Variants in NAA11 observed in about 807,000 individuals in gnomAD.
NAA11 encodes the protein N-alpha-acetyltransferase 11.
In NAA11, 15 loss-of-function variants were observed where a neutral mutation model predicts 16.1. The ratio of observed to expected loss-of-function variants is 0.93; its 90% CI spans 0.62 to 1.44. NAA11 has a LOEUF of 1.44. Among genes scored for constraint, NAA11 ranks in the 40% most tolerant of loss-of-function variants. NAA11 has a pLI of 0.00. For synonymous variants in NAA11, 122 were observed against 112.4 expected, an observed-to-expected ratio of 1.09 and a Z score of -0.54; for missense variants, 298 against 291.3, an observed-to-expected ratio of 1.02 and a Z score of -0.17.
chr4:79,282,747 C>G (rs536583719), intron 2 of NAA11, among the ~76,000 whole-genome samples: 4 of 151,994 alleles, frequency 2.6e-5, no homozygotes, highest in Non-Finnish European at 5.9e-5. Context: ...ATCTAAAAGC[C>G]TATTTCAGGT....
At chr4:79,160,354 T>G in the NAA11 span, among the ~76,000 whole-genome samples, 2 of 152,338 alleles carry the variant, frequency 1.3e-5, no homozygotes, top group African/African-American at 4.8e-5. Flanking sequence ...TACACATTTT[T>G]TATGGACTAT....
At chr4:79,206,300 G>C in the NAA11 span, among the ~76,000 whole-genome samples, 1 of 151,918 alleles carries the variant, frequency 6.6e-6, no homozygotes, top group East Asian at 1.9e-4. Flanking sequence ...GTGTTTTGTA[G>C]TTCACCTTGT....
At chr4:79,210,934 G>A in the NAA11 span, among the ~76,000 whole-genome samples, 87 of 152,288 alleles carry the variant, frequency 5.7e-4, no homozygotes, top group Admixed American at 1.8e-3. Context: ...AAACGACAAA[G>A]TGGATGCCTG....
intron 2 of NAA11, among the ~76,000 whole-genome samples, chr4:79,269,112 T>A (rs2109979082): frequency 7.4e-6 from 1 of 134,832 alleles, no homozygotes; most frequent in East Asian, 2.1e-4. Flanking sequence ...TGTTGGACAT[T>A]TGGGTTGGTT....
chr4:79,233,902 G>T (rs1293928557), intron 2 of NAA11, among the ~76,000 whole-genome samples: 1 of 151,920 alleles, frequency 6.6e-6, no homozygotes, highest in Non-Finnish European at 1.5e-5. Context: ...TAGATAAATT[G>T]GTAGAATATA....
At chr4:79,156,078 GTTTTTA>G in the NAA11 span, among the ~76,000 whole-genome samples, 1 of 152,122 alleles carries the variant, frequency 6.6e-6, no homozygotes. Context: ...TGTACCTGGA[GTTTTTA>G]ATACCCATAT....
intron 2 of NAA11, among the ~76,000 whole-genome samples, chr4:79,279,417 T>C (rs1167298012): frequency 6.6e-6 from 1 of 152,114 alleles, no homozygotes; most frequent in Non-Finnish European, 1.5e-5. Context: ...TTTTAAGTGC[T>C]CTGCTAAACA....
At chr4:79,219,175 C>T in the NAA11 span, among the ~76,000 whole-genome samples, 1 of 152,126 alleles carries the variant, frequency 6.6e-6, no homozygotes, top group East Asian at 1.9e-4. Flanking sequence ...TTTTTTCTCT[C>T]CTTCCACATC....
intron 2 of NAA11, chr4:79,293,982 A>G (rs1723152199): frequency 1.3e-5 from 2 of 152,260 alleles, no homozygotes; most frequent in African/African-American, 4.8e-5. Flanking sequence ...CTTTGTCCCC[A>G]TTGCTCTCAA....
chr4:79,309,714 C>CTTTTTTTT (rs71662804), intron 1 of NAA11, among the ~76,000 whole-genome samples: 26 of 81,422 alleles, frequency 3.2e-4, no homozygotes, highest in Non-Finnish European at 4.6e-4. Context: ...TTTTTTTTTT[C>CTTTTTTTT]TTTTTTTTTT....
chr4:79,302,680 A>G (rs1035706699), intron 1 of NAA11, among the ~76,000 whole-genome samples: 2 of 152,174 alleles, frequency 1.3e-5, no homozygotes, highest in Non-Finnish European at 2.9e-5. Context: ...CTACTTCATA[A>G]TAAAAGTGAT....
At position 79,325,990 on chromosome 4, in the gene NAA11, G is replaced by A. The variant is rs897959064; in HGVS notation, c.-113C>T. 3.8e-5 allele frequency: 33 copies of A among 868,696 alleles called. No individual in the cohort carries two copies. Among genetic ancestry groups the A allele is most frequent in the African/African-American group, 3.6e-4 (21 of 58,618 alleles). The allele number at this position is 868,696 out of a possible 1,614,324, so 53.8% of individuals were successfully genotyped here. A position where few individuals can be genotyped will look rare whatever the true frequency, so the allele number is the denominator to read the frequency against. ...TCGAGTCCAGGGGGCTAACACCACC[G>A]GGCTGAATCGTGTGGAGGGCGGATG... On this transcript the variant is annotated 5_prime_UTR_variant, in exon 1 of 2. Coordinates refer to ENST00000286794, the MANE Select transcript of NAA11 (RefSeq NM_032693.3).
chr4:79,171,534 T>A, the NAA11 span, among the ~76,000 whole-genome samples: 1 of 152,286 alleles, frequency 6.6e-6, no homozygotes, highest in East Asian at 1.9e-4. Context: ...AGATAAAATA[T>A]GGGCAAATAC....
chr4:79,180,828 C>G, the NAA11 span, among the ~76,000 whole-genome samples: 2 of 152,284 alleles, frequency 1.3e-5, no homozygotes, highest in African/African-American at 2.4e-5. Flanking sequence ...TTGGAACCAA[C>G]CCAAATATCC....
intron 2 of NAA11, among the ~76,000 whole-genome samples, chr4:79,263,332 A>C (rs1350713047): frequency 6.6e-6 from 1 of 152,176 alleles, no homozygotes; most frequent in Non-Finnish European, 1.5e-5. Flanking sequence ...ATGAGGTTAA[A>C]AAAATTAACA....
chr4:79,219,916 C>G, the NAA11 span, among the ~76,000 whole-genome samples: 4 of 152,176 alleles, frequency 2.6e-5, no homozygotes, highest in Non-Finnish European at 5.9e-5. Context: ...CCCCAAATAT[C>G]AAACCATATC....
chr4:79,200,816 A>T, the NAA11 span, among the ~76,000 whole-genome samples: 2 of 151,668 alleles, frequency 1.3e-5, no homozygotes, highest in African/African-American at 4.8e-5. Context: ...CTTTTCATTG[A>T]TGTAGATGTT....
chr4:79,218,027 C>T, the NAA11 span, among the ~76,000 whole-genome samples: 13,115 of 152,100 alleles, frequency 0.086, 625 homozygotes, highest in Middle Eastern at 0.13. Flanking sequence ...GTAACTAAGT[C>T]ATGAAGGGTG....
the NAA11 span, among the ~76,000 whole-genome samples, chr4:79,207,348 A>C: frequency 1.4e-5 from 2 of 141,532 alleles, no homozygotes; most frequent in Admixed American, 7.5e-5. Context: ...TTAAGGAGGT[A>C]ATTAAGGTTG....
Sources: allele counts gnomAD v4.1 joint callset (sites outside exome capture counted in the v4.1 genomes callset), GRCh38; gene constraint gnomAD v4.1.1; transcripts MANE v1.5; gene names NCBI Gene and HGNC (gene_info 2026-07-23, HGNC 2026-07-21).